LRRC55: variants seen among roughly 807,000 people sequenced by gnomAD.
LRRC55 encodes the protein leucine rich repeat containing 55.
A neutral mutation model predicts 20.5 loss-of-function variants in LRRC55; 11 were observed. The observed-to-expected ratio is 0.54, with a 90% CI of 0.34 to 0.89. LRRC55 has a LOEUF of 0.89. LRRC55 is among the 40% of genes least tolerant of loss of function. LRRC55 has a pLI of 0.02. For missense variants in LRRC55, 358 were observed against 390.9 expected (o/e 0.92, Z 0.71); for synonymous variants, 188 against 166.6 (o/e 1.13, Z -0.99).
chr11:57,184,825 A>G (rs556338109), intron 1 of LRRC55, among the ~76,000 whole-genome samples: 1 of 152,296 alleles, frequency 6.6e-6, no homozygotes, highest in South Asian at 2.1e-4. Flanking sequence ...AAGGGCTGTC[A>G]GGGGCTCCTC....
Position 57,182,455 on chromosome 11 carries a change from A to T in LRRC55, c.433A>T (p.Ser145Cys). Reference sequence around the variant, plus strand: ...CCATGGGCTAGTCCACATCGACCTGAGCCACAACCCCTGGCTGCGGAGGGT... The same window carrying T: ...CCATGGGCTAGTCCACATCGACCTGTGCCACAACCCCTGGCTGCGGAGGGT... ...EAHGLVHIDL[S>C]HNPWLRRVHP... The change falls in exon 1 of 2, where the codon AGC becomes TGC. Residue 145 changes from serine to cysteine, a missense_variant. By Grantham distance (112) the Ser-to-Cys change is moderately radical (BLOSUM62 -1). Transcript: ENST00000497933. The T allele has an allele frequency of 6.2e-7, 1 of 1,611,562 alleles. No homozygotes were observed. Among genetic ancestry groups the T allele is most frequent in the Non-Finnish European group, 8.5e-7 (1 of 1,179,654 alleles).
In LRRC55 at chr11:57,182,561, A is replaced by G; in HGVS notation, c.539A>G (p.Glu180Gly). ...SYGGLAFLSL[E>G]ALEGLPGLVT... ...GGGGGCCTGGCCTTCCTCAGCCTGGAGGCTCTTGAGGGCCTACCGGGGCTG... is the reference window on the plus strand; with the variant it reads ...GGGGGCCTGGCCTTCCTCAGCCTGGGGGCTCTTGAGGGCCTACCGGGGCTG... Residue 180 changes from glutamate (E) to glycine (G), a missense_variant, in exon 1 of 2, where the codon GAG becomes GGG. Coordinates refer to ENST00000497933, the MANE Select transcript of LRRC55 (RefSeq NM_001005210.4). 1.3e-6 allele frequency: 2 copies of G among 1,556,426 alleles called. No homozygotes were observed. Among genetic ancestry groups the G allele is most frequent in the Non-Finnish European group, 1.7e-6 (2 of 1,150,262 alleles).
chr11:57,191,148 C>T lies in LRRC55; in HGVS notation c.*3668C>T, dbSNP rs554467304. 1 of 152,288 alleles carries T rather than the reference C, an allele frequency of 6.6e-6. No homozygotes were observed. The highest frequency in any genetic ancestry group is 2.4e-5 in the African/African-American group (1 of 41,560). 9.4% of individuals were successfully genotyped at this position (152,288 alleles called of 1,614,324 possible). On this transcript the variant is annotated 3_prime_UTR_variant, in exon 2 of 2. Transcript: ENST00000497933. The stretch of plus-strand genomic sequence containing the variant: ...CTCAGACAAACCCTCGTCTCTTTTT[C>T]TCCCTTCCTAGAGGAATTCCCAGGG...
At position 57,190,226 on chromosome 11, in the gene LRRC55, C is replaced by T. The variant is rs930385651; in HGVS notation, c.*2746C>T. The T allele has an allele frequency of 2.0e-5, 3 of 152,174 alleles. No individual in the cohort carries two copies. Among genetic ancestry groups the T allele is most frequent in the Non-Finnish European group, 4.4e-5 (3 of 68,030 alleles). 9.4% of individuals were successfully genotyped at this position (152,174 alleles called of 1,614,324 possible). A position where few individuals can be genotyped will look rare whatever the true frequency, so the allele number is the denominator to read the frequency against. The stretch of plus-strand genomic sequence containing the variant: ...TATGCTTTTTTGCATAGGACTAGAA[C>T]CAGAAAAGACACCAAATGCCCCCTT... On this transcript the variant is annotated 3_prime_UTR_variant, in exon 2 of 2. Coordinates refer to ENST00000497933, the MANE Select transcript of LRRC55 (RefSeq NM_001005210.4).
chr11:57,182,678 C>G lies in LRRC55; in HGVS notation c.656C>G (p.Thr219Arg). The stretch of plus-strand genomic sequence containing the variant: ...CTGCGAAACCGGATCCAGCGCTGTA[C>G]AGCAGGTAATAGAGGGGCAGAACGG... ...KWLRNRIQRC[T>R]ADSQLAECRG... The change falls in exon 1 of 2, where the codon ACA (threonine) becomes AGA (arginine). Residue 219 changes from threonine (T) to arginine (R), a missense_variant. By Grantham distance (71) the Thr-to-Arg change is moderately conservative. This residue lies in a region of LRRC55 where 178 missense variants were observed against 207.9 expected (regional missense o/e 0.86). Coordinates refer to ENST00000497933, the MANE Select transcript of LRRC55 (RefSeq NM_001005210.4). 6.6e-7 allele frequency: 1 copy of G among 1,504,822 alleles called. No homozygotes were observed. Among genetic ancestry groups the G allele is most frequent in the Non-Finnish European group, 8.9e-7 (1 of 1,126,206 alleles). 93.2% of individuals were successfully genotyped at this position (1,504,822 alleles called of 1,614,324 possible).
chr11:57,182,706 C>T, intron 1 of LRRC55, 23 bp downstream of exon 1: 4 of 1,452,682 alleles, frequency 2.8e-6, no homozygotes, highest in Non-Finnish European at 2.7e-6. Flanking sequence ...CAGAACGGGG[C>T]AGTCAACAGG....
Position 57,187,441 on chromosome 11 carries a change from C to T in LRRC55, c.858C>T (p.Cys286=). ...TCCTGGGCATCACTGCCAACTGCTG[C>T]CACCGCTGGAGCAAGGCCAGTGAAG... The part of the protein sequence containing the change: ...NFLLGITANC[C]HRWSKASEEE... The change falls in exon 2 of 2, where the codon TGC becomes TGT. Residue 286 remains cysteine (C), a synonymous_variant. Coordinates refer to ENST00000497933, the MANE Select transcript of LRRC55 (RefSeq NM_001005210.4). 6.2e-7 allele frequency: 1 copy of T among 1,614,194 alleles called. No homozygotes were observed. The highest frequency in any genetic ancestry group is 2.2e-5 in the East Asian group (1 of 44,890).
At chr11:57,183,054 A>G (rs1331176311) in intron 1 of LRRC55, among the ~76,000 whole-genome samples, 2 of 152,008 alleles carry the variant, frequency 1.3e-5, no homozygotes, top group African/African-American at 4.8e-5. Flanking sequence ...TATTATACCC[A>G]TTTTCCAGGT....
intron 1 of LRRC55, among the ~76,000 whole-genome samples, chr11:57,186,904 C>A (rs1328197651): frequency 6.6e-6 from 1 of 152,184 alleles, no homozygotes; most frequent in East Asian, 1.9e-4. Context: ...GAGGTCCCAG[C>A]CTGCAGGCTG....
chr11:57,185,270 C>CTTCTTTTTTTTTTTTTTTTTTTTTTT (rs1854416014), intron 1 of LRRC55, among the ~76,000 whole-genome samples: 1 of 89,412 alleles, frequency 1.1e-5, no homozygotes, highest in Non-Finnish European at 2.0e-5. Context: ...CTTTTCTTTT[C>CTTCTTTTTTTTTTTTTTTTTTTTTTT]TTTTTTTTTT....
intron 1 of LRRC55, among the ~76,000 whole-genome samples, chr11:57,186,828 G>A (rs923242738): frequency 5.3e-5 from 8 of 152,186 alleles, no homozygotes; most frequent in African/African-American, 1.9e-4. Context: ...GAGAAGGTGT[G>A]GCAGGACATC....
chr11:57,186,656 G>A (rs1395166194), intron 1 of LRRC55, among the ~76,000 whole-genome samples: 1 of 152,224 alleles, frequency 6.6e-6, no homozygotes. Flanking sequence ...TTCAAGAGGG[G>A]ACACTCTGAG....
Position 57,187,796 on chromosome 11 carries a change from G to A in LRRC55, c.*316G>A, listed in dbSNP as rs1353532958. On this transcript the variant is annotated 3_prime_UTR_variant, in exon 2 of 2. Coordinates refer to ENST00000497933, the MANE Select transcript of LRRC55 (RefSeq NM_001005210.4). The stretch of plus-strand genomic sequence containing the variant: ...ACGTCATTATGGAGGCCCAGAGGAG[G>A]AGCCATCATCTGTATCTAGCAATGT... The A allele has an allele frequency of 6.8e-6, 3 of 441,346 alleles. No individual in the cohort carries two copies. The highest frequency in any genetic ancestry group is 1.2e-5 in the Non-Finnish European group (3 of 246,088). 27.3% of individuals were successfully genotyped at this position (441,346 alleles called of 1,614,324 possible). A position where few individuals can be genotyped will look rare whatever the true frequency, so the allele number is the denominator to read the frequency against.
intron 1 of LRRC55, among the ~76,000 whole-genome samples, chr11:57,183,322 C>A (rs547221243): frequency 6.6e-6 from 1 of 152,178 alleles, no homozygotes; most frequent in Non-Finnish European, 1.5e-5. Flanking sequence ...AGTTGCGTGA[C>A]AGCCAATATG....
In LRRC55 at chr11:57,182,021, A is replaced by C. The variant is rs748210546; in HGVS notation, c.-2A>C. The C allele has an allele frequency of 6.2e-7, 1 of 1,614,190 alleles. No individual in the cohort carries two copies. Among genetic ancestry groups the C allele is most frequent in the Non-Finnish European group, 8.5e-7 (1 of 1,180,018 alleles). On this transcript the variant is annotated 5_prime_UTR_variant, in exon 1 of 2. Transcript: ENST00000497933. Reference sequence around the variant, plus strand: ...CAGCACTGCTGTTGCCTGCTGCCTAAGATGGGTGACACTTGGGCCCAGCTT... The same window carrying C: ...CAGCACTGCTGTTGCCTGCTGCCTACGATGGGTGACACTTGGGCCCAGCTT...
chr11:57,182,164 G>A lies in LRRC55; in HGVS notation c.142G>A (p.Val48Met). Reference sequence around the variant, plus strand: ...CGTCCTTTGCACATGCCGTAACCAGGTGGTGGATTGTAGCAGCCAGCGGCT... The same window carrying A: ...CGTCCTTTGCACATGCCGTAACCAGATGGTGGATTGTAGCAGCCAGCGGCT... ...CPVLCTCRNQ[V>M]VDCSSQRLFS... is the part of the protein sequence containing the mutation. Residue 48 changes from valine to methionine, a missense_variant, in exon 1 of 2, where the codon GTG (valine) becomes ATG (methionine). Around this residue, in one of 3 missense-constraint regions of LRRC55, gnomAD observed 175 missense variants for 164.5 expected, o/e 1.06. Coordinates refer to ENST00000497933, the MANE Select transcript of LRRC55 (RefSeq NM_001005210.4). The A allele has an allele frequency of 1.2e-6, 2 of 1,614,186 alleles. No individual in the cohort carries two copies. The highest frequency in any genetic ancestry group is 1.7e-6 in the Non-Finnish European group (2 of 1,180,032).
chr11:57,184,719 C>T lies in LRRC55; in HGVS notation c.661+2036C>T, dbSNP rs1368292137. Among the ~76,000 whole-genome samples, 3 of 152,168 alleles carry T rather than the reference C, an allele frequency of 2.0e-5. 1 individual carries two copies. Among genetic ancestry groups the T allele is most frequent in the African/African-American group, 7.2e-5 (3 of 41,436 alleles). ...CAAAGAGGGCCATAATAAGCAAGCCCCTGGGATACAGCATGACTTTAGGAC... is the reference window on the plus strand; with the variant it reads ...CAAAGAGGGCCATAATAAGCAAGCCTCTGGGATACAGCATGACTTTAGGAC... On this transcript the variant is annotated intron_variant, in intron 1 of 1. Transcript: ENST00000497933.
chr11:57,185,405 C>T (rs912208248), intron 1 of LRRC55, among the ~76,000 whole-genome samples: 5 of 150,576 alleles, frequency 3.3e-5, no homozygotes, highest in African/African-American at 4.9e-5. Context: ...CTCAGCCTCC[C>T]GAGTAGCTGA....
At position 57,187,350 on chromosome 11, in the gene LRRC55, A is replaced by G. The variant is rs759713959; in HGVS notation, c.767A>G (p.Asp256Gly). ...GCCTGCCACCTGACCCTGACCCTGGATGATTACCTATTCATTGCGTTCGTG... is the reference window on the plus strand; with the variant it reads ...GCCTGCCACCTGACCCTGACCCTGGGTGATTACCTATTCATTGCGTTCGTG... ...FKACHLTLTL[D>G]DYLFIAFVGF... The change falls in exon 2 of 2, where the codon GAT (aspartate) becomes GGT (glycine). Residue 256 changes from aspartate to glycine, a missense_variant. Asp to Gly is a moderately conservative substitution (Grantham distance 94). Around this residue, in one of 3 missense-constraint regions of LRRC55, gnomAD observed 178 missense variants for 207.9 expected, o/e 0.86. Coordinates refer to ENST00000497933, the MANE Select transcript of LRRC55 (RefSeq NM_001005210.4). 3.1e-6 allele frequency: 5 copies of G among 1,613,988 alleles called. No homozygotes were observed. The highest frequency in any genetic ancestry group is 2.5e-6 in the Non-Finnish European group (3 of 1,180,024).
Sources: allele counts gnomAD v4.1 joint callset (sites outside exome capture counted in the v4.1 genomes callset), GRCh38; gene constraint gnomAD v4.1.1; regional missense constraint gnomAD v4.1.1; transcripts MANE v1.5; gene names NCBI Gene and HGNC (gene_info 2026-07-23, HGNC 2026-07-21).